Variants in PSMC6 observed in about 807,000 individuals in gnomAD.
The protein encoded by PSMC6 is 26S proteasome regulatory subunit 10B.
Under a neutral mutation model 55.9 loss-of-function variants are expected in PSMC6, and 3 were observed. The observed-to-expected ratio is 0.05, with a 90% CI of 0.02 to 0.14. The LOEUF (loss-of-function observed/expected upper bound fraction) is 0.14, where lower values mean the gene tolerates loss of function less well. PSMC6 is among the 10% of genes least tolerant of loss of function. The pLI, the probability that PSMC6 is intolerant of heterozygous loss-of-function variation, is 1.00. For synonymous variants in PSMC6, 137 were observed against 155.9 expected (o/e 0.88, Z 0.90); for missense variants, 210 against 478.7 (o/e 0.44, Z 5.24).
At chr14:52,714,959 A>T (rs1051269541) in intron 7 of PSMC6, among the ~76,000 whole-genome samples, 1 of 152,106 alleles carries the variant, frequency 6.6e-6, no homozygotes, top group Non-Finnish European at 1.5e-5. Context: ...GACACAAAAC[A>T]AAAAACTAAA....
chr14:52,711,776 G>A (rs2041775740), intron 6 of PSMC6, among the ~76,000 whole-genome samples: 1 of 152,078 alleles, frequency 6.6e-6, no homozygotes, highest in African/African-American at 2.4e-5. Context: ...CGGAGAAAAA[G>A]CTAAAAATAA....
chr14:52,708,087 C>T (rs899465517), intron 1 of PSMC6, among the ~76,000 whole-genome samples: 3 of 152,042 alleles, frequency 2.0e-5, no homozygotes, highest in Non-Finnish European at 4.4e-5. Flanking sequence ...CAAGTATTGC[C>T]GATCAACAAA....
At chr14:52,707,470 T>C in intron 1 of PSMC6, 166 bp downstream of exon 1, 1 of 892,904 alleles carries the variant, frequency 1.1e-6, no homozygotes, top group Non-Finnish European at 1.7e-6. Context: ...GGAGCAGCAC[T>C]CCTTCGGGTG....
At chr14:52,717,517 A>G (rs968538893) in intron 7 of PSMC6, among the ~76,000 whole-genome samples, 2 of 151,276 alleles carry the variant, frequency 1.3e-5, no homozygotes, top group African/African-American at 4.9e-5. Flanking sequence ...TTGTATTTTT[A>G]GTAGAGACGG....
chr14:52,718,522 C>T (rs543896993), intron 9 of PSMC6, 170 bp downstream of exon 9: 3 of 713,162 alleles, frequency 4.2e-6, no homozygotes, highest in Admixed American at 6.3e-5. Context: ...GGTGTGGTGG[C>T]TCATGCCTGT....
intron 10 of PSMC6, 124 bp downstream of exon 10, chr14:52,719,162 T>C (rs2041862543): frequency 1.1e-6 from 1 of 907,698 alleles, no homozygotes; most frequent in Non-Finnish European, 1.6e-6. Context: ...TTGAAAATAT[T>C]GTCAGGAACA....
intron 7 of PSMC6, among the ~76,000 whole-genome samples, chr14:52,716,777 G>C (rs2041834450): frequency 6.6e-6 from 1 of 151,810 alleles, no homozygotes; most frequent in South Asian, 2.1e-4. Context: ...AAAGAAATGT[G>C]GTAAATACAC....
rs773155450 is a variant in PSMC6, at chr14:52,718,381, T to C, written c.715+29T>C. ...AGAATAACACCCTTGTTGAAAGTTT[T>C]AGGACTTTTTTTTAAATGTAAAAGA... On this transcript the variant is annotated intron_variant, in intron 9 of 13. Coordinates refer to ENST00000445930, the MANE Select transcript of PSMC6 (RefSeq NM_002806.5). The C allele has an allele frequency of 2.5e-6, 4 of 1,589,442 alleles. No individual in the cohort carries two copies. In the East Asian group the frequency reaches 9.0e-5, roughly 36 times the overall value.
At chr14:52,726,817 T>G (rs1880434656) in intron 13 of PSMC6, among the ~76,000 whole-genome samples, 1 of 151,688 alleles carries the variant, frequency 6.6e-6, no homozygotes, top group African/African-American at 2.4e-5. Context: ...AATTTTTGTG[T>G]TTTTAGTAGA....
chr14:52,716,336 C>G (rs1272871464), intron 7 of PSMC6, among the ~76,000 whole-genome samples: 1 of 152,184 alleles, frequency 6.6e-6, no homozygotes, highest in Non-Finnish European at 1.5e-5. Flanking sequence ...AATCCCACTT[C>G]TGGGTTTATA....
chr14:52,707,707 G>C (rs2041719129), intron 1 of PSMC6, among the ~76,000 whole-genome samples: 1 of 152,154 alleles, frequency 6.6e-6, no homozygotes, highest in Admixed American at 6.5e-5. Flanking sequence ...TCTTGGAGTC[G>C]AAAGACGGCC....
At chr14:52,722,696 G>C (rs975647709) in intron 12 of PSMC6, 1 of 152,174 alleles carries the variant, frequency 6.6e-6, no homozygotes, top group African/African-American at 2.4e-5. Context: ...GATTGGACTA[G>C]GGTGCAGGCC....
rs78895597 is a variant in PSMC6, at chr14:52,713,588, T to G, written c.442-293T>G. ...ATTACATTAAAAAAATGTAGATTCT[T>G]AAGTGTACATTTCAAATATGTTTGG... On this transcript the variant is annotated intron_variant, in intron 6 of 13. Transcript: ENST00000445930. Among the ~76,000 whole-genome samples the G allele has an allele frequency of 6.6e-3, 1,005 of 152,342 alleles. 7 individuals carry two copies. Among genetic ancestry groups the G allele is most frequent in the South Asian group, 0.029 (138 of 4,828 alleles).
intron 9 of PSMC6, chr14:52,718,726 C>G: frequency 2.2e-6 from 1 of 452,768 alleles, no homozygotes; most frequent in Non-Finnish European, 4.0e-6. Flanking sequence ...ACGTAGGTTG[C>G]AGTGAGCCGA....
intron 9 of PSMC6, chr14:52,718,718 G>A (rs2041857581): frequency 2.9e-5 from 12 of 418,458 alleles, no homozygotes; most frequent in South Asian, 2.6e-4. Context: ...CCCAGGAGAC[G>A]TAGGTTGCAG....
chr14:52,712,790 T>A (rs548118678), intron 6 of PSMC6, among the ~76,000 whole-genome samples: 17 of 152,238 alleles, frequency 1.1e-4, no homozygotes, highest in Middle Eastern at 6.8e-3. Flanking sequence ...CTAATTTTTT[T>A]ATTTTTTGTA....
intron 4 of PSMC6, chr14:52,710,300 A>C (rs866056510): frequency 1.3e-5 from 2 of 152,476 alleles, no homozygotes; most frequent in Middle Eastern, 3.4e-3. Context: ...GCATGGTGGC[A>C]CACACCTGTA....
At position 52,709,200 on chromosome 14, in the gene PSMC6, T is replaced by C. The variant is rs549591044; in HGVS notation, c.258+384T>C. 6.9e-5 allele frequency: 13 copies of C among 189,344 alleles called. No homozygotes were observed. In the East Asian group the frequency reaches 2.0e-3, roughly 29 times the overall value. 11.7% of individuals were successfully genotyped at this position (189,344 alleles called of 1,614,324 possible). A position where few individuals can be genotyped will look rare whatever the true frequency, so the allele number is the denominator to read the frequency against. On this transcript the variant is annotated intron_variant, in intron 4 of 13. Transcript: ENST00000445930. ...GTTACTTATGGACTGTACCATGGCC[T>C]AAGTTAATTTTGTATGAGGTCATTT...
intron 9 of PSMC6, 159 bp from the exon 10 acceptor site, chr14:52,718,818 A>G: frequency 6.4e-6 from 4 of 623,078 alleles, no homozygotes; most frequent in Non-Finnish European, 8.3e-6. Flanking sequence ...AAAATGAGAA[A>G]TGTTACACCA....
Sources: allele counts gnomAD v4.1 joint callset (sites outside exome capture counted in the v4.1 genomes callset), GRCh38; gene constraint gnomAD v4.1.1; transcripts MANE v1.5; gene names NCBI Gene and HGNC (gene_info 2026-07-23, HGNC 2026-07-21).